ARPC1B: variants seen among roughly 807,000 people sequenced by gnomAD.
ARPC1B encodes actin-related protein 2/3 complex subunit 1B.
Under a neutral mutation model 46.0 loss-of-function variants are expected in ARPC1B, and 29 were observed. The observed-to-expected ratio is 0.63, with a 90% CI of 0.47 to 0.86. The LOEUF is 0.86. ARPC1B is among the 40% of genes least tolerant of loss of function. ARPC1B has a pLI of 0.00. For synonymous variants in ARPC1B, 201 were observed against 213.9 expected, an observed-to-expected ratio of 0.94 and a Z score of 0.53; for missense variants, 469 against 529.4, an observed-to-expected ratio of 0.89 and a Z score of 1.12.
At chr7:99,376,530 C>G (rs761769161) in intron 1 of ARPC1B, 2 of 152,186 alleles carry the variant, frequency 1.3e-5, no homozygotes, top group Non-Finnish European at 2.9e-5. Context: ...TTGAACAAAT[C>G]GTTGCTTTTG....
intron 2 of ARPC1B, among the ~76,000 whole-genome samples, 154 bp downstream of exon 2, chr7:99,385,932 C>A (rs373245614): frequency 2.0e-5 from 3 of 152,062 alleles, no homozygotes; most frequent in African/African-American, 7.2e-5. Context: ...TTCCAGCTGA[C>A]CAGGGGCCTC....
intron 8 of ARPC1B, 147 bp from the exon 9 acceptor site, chr7:99,393,882 G>A: frequency 1.3e-6 from 1 of 748,880 alleles, no homozygotes; most frequent in Non-Finnish European, 2.3e-6. Flanking sequence ...CCCCAAGGCA[G>A]AACTGACTTC....
chr7:99,388,351 C>A, intron 4 of ARPC1B, 90 bp downstream of exon 4: 1 of 1,294,928 alleles, frequency 7.7e-7, no homozygotes. Flanking sequence ...GATGTCAGGA[C>A]CCCTGTTCCC....
rs1284069677 is a variant in ARPC1B at position 99,394,674 on chromosome 7, T to C, written c.*185T>C. 6.7e-6 allele frequency: 9 copies of C among 1,335,832 alleles called. No individual in the cohort carries two copies. The highest frequency in any genetic ancestry group is 3.6e-5 in the Admixed American group (1 of 28,122). The allele number at this position is 1,335,832 out of a possible 1,614,324, so 82.7% of individuals were successfully genotyped here. Reference sequence around the variant, plus strand: ...TTACCTATTCAAGGAATACGTGCCTTTTTCTTAAATGCTTTCATTTATTGA... The same window carrying C: ...TTACCTATTCAAGGAATACGTGCCTCTTTCTTAAATGCTTTCATTTATTGA... On this transcript the variant is annotated 3_prime_UTR_variant, in exon 10 of 10. Coordinates refer to ENST00000646101, the MANE Select transcript of ARPC1B (RefSeq NM_005720.4).
rs1794524979 is a variant in ARPC1B at position 99,390,171 on chromosome 7, C to T, written c.500+159C>T. 1.2e-5 allele frequency: 8 copies of T among 641,446 alleles called. No individual in the cohort carries two copies. The South Asian group carries it at 1.5e-4, about 12-fold the overall frequency. 39.7% of individuals were successfully genotyped at this position (641,446 alleles called of 1,614,324 possible). ...GGGCGTCGGTTGAAGGTTCTAGTTC[C>T]TGGGGAACCCTTCATGTCTCAGCTG... On this transcript the variant is annotated intron_variant, in intron 5 of 9. Coordinates refer to ENST00000646101, the MANE Select transcript of ARPC1B (RefSeq NM_005720.4).
At chr7:99,378,259 A>G (rs918617330) in intron 1 of ARPC1B, among the ~76,000 whole-genome samples, 2 of 150,480 alleles carry the variant, frequency 1.3e-5, no homozygotes, top group African/African-American at 4.9e-5. Flanking sequence ...TTTTATAGAC[A>G]CAGGGTTTTG....
intron 7 of ARPC1B, among the ~76,000 whole-genome samples, chr7:99,391,871 G>A (rs1794581430): frequency 6.6e-6 from 1 of 151,390 alleles, no homozygotes; most frequent in Admixed American, 6.6e-5. Context: ...GGCCAACATG[G>A]CAAAACCCCA....
chr7:99,387,736 CAAAAAAAAAAA>C (rs35192470), intron 3 of ARPC1B, among the ~76,000 whole-genome samples: 5 of 61,428 alleles, frequency 8.1e-5, no homozygotes, highest in East Asian at 3.8e-4. Flanking sequence ...GACTCTGTCT[CAAAAAAAAAAA>C]AAAAAAAAAA....
At chr7:99,376,106 A>G (rs1794025797) in intron 1 of ARPC1B, among the ~76,000 whole-genome samples, 1 of 151,140 alleles carries the variant, frequency 6.6e-6, no homozygotes, top group African/African-American at 2.4e-5. Flanking sequence ...AATCCCAGCT[A>G]CTTAGGAGGA....
intron 4 of ARPC1B, chr7:99,388,980 A>C (rs532682111): frequency 7.5e-6 from 1 of 132,616 alleles, no homozygotes; most frequent in Non-Finnish European, 1.5e-5. Context: ...TCTGTCGTCC[A>C]GGCTGGAGTG....
chr7:99,374,649 C>A (rs889882859), upstream of ARPC1B: 1 of 152,078 alleles, frequency 6.6e-6, no homozygotes, highest in African/African-American at 2.4e-5. The surrounding 1 kb of genome is among the most constrained non-coding windows in gnomAD (Gnocchi z 5.0). Flanking sequence ...CAGGTCCCCG[C>A]CCCCGGGCCC....
rs1794356876 is a variant in ARPC1B at position 99,385,408 on chromosome 7, G to A, written c.-13-294G>A. On this transcript the variant is annotated intron_variant, in intron 1 of 9. Coordinates refer to ENST00000646101, the MANE Select transcript of ARPC1B (RefSeq NM_005720.4). ...CTAGCACCCCACCCCGCCCCAGGGA[G>A]CATCTCCCCTGTAGTACCGTCTCCT... Among the ~76,000 whole-genome samples, 4 of 152,060 alleles carry A rather than the reference G, an allele frequency of 2.6e-5. No individual in the cohort carries two copies. In the South Asian group the frequency reaches 8.3e-4, roughly 32 times the overall value.
At chr7:99,381,132 A>G (rs4729532) in intron 1 of ARPC1B, among the ~76,000 whole-genome samples, 47,504 of 152,212 alleles carry the variant, frequency 0.31, 13,963 homozygotes, top group African/African-American at 0.78. Flanking sequence ...GGGCGCTGAG[A>G]TGGTGCTTCC....
At chr7:99,385,305 TGG>T (rs3052177) in intron 1 of ARPC1B, among the ~76,000 whole-genome samples, 621 of 61,722 alleles carry the variant, frequency 0.01, 7 homozygotes, top group African/African-American at 0.024. Flanking sequence ...GGAAGTTGGG[TGG>T]GGGGGGGGGG....
At chr7:99,388,406 T>C (rs1794463879) in intron 4 of ARPC1B, 145 bp downstream of exon 4, 2 of 780,554 alleles carry the variant, frequency 2.6e-6, no homozygotes, top group Non-Finnish European at 2.1e-6. Context: ...GCCTCATTCA[T>C]GAGGCAAGGG....
intron 1 of ARPC1B, among the ~76,000 whole-genome samples, chr7:99,375,237 G>T (rs1363536756): frequency 6.6e-6 from 1 of 152,094 alleles, no homozygotes; most frequent in Admixed American, 6.5e-5. Flanking sequence ...TCGGGCCGGC[G>T]GGGCCCCACA....
rs773085531 is a variant in ARPC1B, at chr7:99,394,779, TAAAAAAAAAA to T, written c.*303_*312del. On this transcript the variant is annotated 3_prime_UTR_variant, in exon 10 of 10. Transcript: ENST00000646101. ...GTGGAGGTAATAAAATGCAACTGTGTAAAAAAAAAAAAAAAAAAAAAAGTAATTATGGACA... is the reference window on the plus strand; with the variant it reads ...GTGGAGGTAATAAAATGCAACTGTGTAAAAAAAAAAAAGTAATTATGGACA... The T allele has an allele frequency of 4.2e-6, 4 of 957,548 alleles. No homozygotes were observed. Among genetic ancestry groups the T allele is most frequent in the Non-Finnish European group, 4.9e-6 (4 of 809,050 alleles). The allele number at this position is 957,548 out of a possible 1,614,324, so 59.3% of individuals were successfully genotyped here. A position where few individuals can be genotyped will look rare whatever the true frequency, so the allele number is the denominator to read the frequency against.
chr7:99,388,368 C>A, intron 4 of ARPC1B, 107 bp downstream of exon 4: 1 of 1,088,702 alleles, frequency 9.2e-7, no homozygotes, highest in Non-Finnish European at 1.3e-6. Context: ...TCCCATCACC[C>A]TGGGGGAGTC....
At position 99,381,486 on chromosome 7, in the gene ARPC1B, C is replaced by T. The variant is rs114982730; in HGVS notation, c.-13-4216C>T. Among the ~76,000 whole-genome samples, 845 of 152,222 alleles carry T rather than the reference C, an allele frequency of 5.6e-3. 11 individuals carry two copies. Among genetic ancestry groups the T allele is most frequent in the African/African-American group, 0.017 (721 of 41,526 alleles). The stretch of plus-strand genomic sequence containing the variant: ...GGCTGAACACGCATGTGTTTGTGTG[C>T]GTGGCCTGACCCTGCGCTGCGTGTG... On this transcript the variant is annotated intron_variant, in intron 1 of 9. Coordinates refer to ENST00000646101, the MANE Select transcript of ARPC1B (RefSeq NM_005720.4).
Sources: allele counts gnomAD v4.1 joint callset (sites outside exome capture counted in the v4.1 genomes callset), GRCh38; gene constraint gnomAD v4.1.1; non-coding constraint Gnocchi (gnomAD v3.1); transcripts MANE v1.5; gene names NCBI Gene and HGNC (gene_info 2026-07-23, HGNC 2026-07-21).